The following EBF3 variants were observed in gnomAD, a reference collection of about 807,000 sequenced individuals.
EBF3 encodes transcription factor COE3.
In EBF3, 18 loss-of-function variants were observed where a neutral mutation model predicts 77.1. That is an observed-to-expected ratio of 0.23 (90% CI 0.16 to 0.35). EBF3 has a LOEUF of 0.35. EBF3 is among the 10% of genes least tolerant of loss of function. The pLI, the probability that EBF3 is intolerant of heterozygous loss-of-function variation, is 1.00. For synonymous variants in EBF3, 350 were observed against 343.5 expected (o/e 1.02, Z -0.21); for missense variants, 558 against 860.0 (o/e 0.65, Z 4.39).
chr10:129,926,964 T>C (rs1856719561), intron 6 of EBF3, among the ~76,000 whole-genome samples: 1 of 152,216 alleles, frequency 6.6e-6, no homozygotes, highest in Non-Finnish European at 1.5e-5. Flanking sequence ...TTCTTGGGAC[T>C]CTGAACAGGT....
chr10:129,858,810 G>A (rs1014338779), intron 10 of EBF3, among the ~76,000 whole-genome samples: 3 of 152,090 alleles, frequency 2.0e-5, no homozygotes, highest in Admixed American at 2.0e-4. Context: ...CTCTCTATCT[G>A]GGAAGACACA....
chr10:129,943,340 A>G lies in EBF3; in HGVS notation c.554+13918T>C, dbSNP rs4751153. Among the ~76,000 whole-genome samples the G allele has an allele frequency of 0.31, 45,972 of 150,374 alleles. 7,104 individuals are homozygous for G. The highest frequency in any genetic ancestry group is 0.43 in the Middle Eastern group (127 of 294). On this transcript the variant is annotated intron_variant, in intron 6 of 16. Transcript: ENST00000440978. The surrounding 1 kb of genome is among the most constrained non-coding windows in gnomAD (Gnocchi z 8.8). ...AAGCAAATTGGATTTGCCCTATCAC[A>G]AAAAAAATTAATTCCAGATTGTAGT...
intron 6 of EBF3, among the ~76,000 whole-genome samples, chr10:129,888,619 C>T (rs937506427): frequency 1.3e-5 from 2 of 152,178 alleles, no homozygotes; most frequent in Non-Finnish European, 2.9e-5. Flanking sequence ...GGGTCCCGGC[C>T]GCGGTGGGAA....
At chr10:129,957,121 G>T in intron 6 of EBF3, 137 bp downstream of exon 6, 1 of 686,416 alleles carries the variant, frequency 1.5e-6, no homozygotes, top group Non-Finnish European at 2.4e-6. Context: ...GATAACACAC[G>T]CGGACAACAA....
chr10:129,866,807 GGCATGTGGGCAGCTGCCGCA>G (rs1384895276), intron 10 of EBF3, among the ~76,000 whole-genome samples: 1 of 152,192 alleles, frequency 6.6e-6, no homozygotes, highest in Non-Finnish European at 1.5e-5. Flanking sequence ...CATGGAGCCA[GGCATGTGGGCAGCTGCCGCA>G]GTGGTAGCTG....
intron 6 of EBF3, among the ~76,000 whole-genome samples, chr10:129,890,902 C>G (rs1223872245): frequency 6.6e-6 from 1 of 152,188 alleles, no homozygotes; most frequent in Non-Finnish European, 1.5e-5. Context: ...CGCTACTTTG[C>G]CATCCTCAAT....
At chr10:129,960,918 G>C (rs1427487437) in intron 4 of EBF3, among the ~76,000 whole-genome samples, 1 of 152,244 alleles carries the variant, frequency 6.6e-6, no homozygotes, top group Admixed American at 6.5e-5. Flanking sequence ...TCTCTGAATC[G>C]AGTGAAATAA....
intron 6 of EBF3, among the ~76,000 whole-genome samples, chr10:129,916,104 G>C (rs1032237708): frequency 2.0e-5 from 3 of 152,230 alleles, no homozygotes; most frequent in Non-Finnish European, 4.4e-5. Context: ...CAGCCATCAT[G>C]GAACAGGATG....
At chr10:129,888,533 G>A (rs541895891) in intron 6 of EBF3, among the ~76,000 whole-genome samples, 63 of 152,332 alleles carry the variant, frequency 4.1e-4, no homozygotes, top group African/African-American at 1.5e-3. Flanking sequence ...TGATACCTGC[G>A]CTTTTGTGGA....
intron 6 of EBF3, among the ~76,000 whole-genome samples, chr10:129,896,478 G>A (rs970195543): frequency 6.6e-5 from 10 of 152,334 alleles, no homozygotes; most frequent in African/African-American, 2.4e-4. Flanking sequence ...TGGCCCCTCC[G>A]AGCAGCTGGC....
At chr10:129,880,995 T>C (rs1023855611) in intron 6 of EBF3, among the ~76,000 whole-genome samples, 3 of 152,190 alleles carry the variant, frequency 2.0e-5, no homozygotes, top group Non-Finnish European at 2.9e-5. Context: ...ATGCCCAACA[T>C]GTGAAGTCAA....
chr10:129,852,893 G>C (rs1850993731), intron 10 of EBF3, among the ~76,000 whole-genome samples: 1 of 152,208 alleles, frequency 6.6e-6, no homozygotes, highest in African/African-American at 2.4e-5. Context: ...CCACCCCCAA[G>C]GGCATCCTGT....
rs1466264759 is a variant in EBF3, at chr10:129,840,833, C to A, written c.1561+11G>T. The A allele has an allele frequency of 1.9e-6, 3 of 1,607,852 alleles. No homozygotes were observed. The African/African-American group carries it at 4.0e-5, about 22-fold the overall frequency. On this transcript the variant is annotated intron_variant, in intron 14 of 16. Coordinates refer to ENST00000440978, the MANE Select transcript of EBF3 (RefSeq NM_001375380.1). ...TCTGCGTGATGACGTGTGACAAAAA[C>A]AGACACTTACTGCCGTAGGGAGAGT...
chr10:129,838,639 G>T (rs763116807), intron 16 of EBF3, among the ~76,000 whole-genome samples: 2 of 152,310 alleles, frequency 1.3e-5, no homozygotes, highest in East Asian at 3.9e-4. Context: ...GCACGAAAAC[G>T]CCAAGTGGGG....
At chr10:129,854,060 T>C (rs1000137633) in intron 10 of EBF3, among the ~76,000 whole-genome samples, 2 of 151,106 alleles carry the variant, frequency 1.3e-5, no homozygotes, top group African/African-American at 4.9e-5. Context: ...GATATTTAGC[T>C]CCCCCCTGAA....
At chr10:129,927,159 G>A (rs376497177) in intron 6 of EBF3, among the ~76,000 whole-genome samples, 3 of 152,138 alleles carry the variant, frequency 2.0e-5, no homozygotes, top group Non-Finnish European at 4.4e-5. Flanking sequence ...CCAGGCTCCC[G>A]GGCGATGGGG....
At chr10:129,906,459 C>A (rs554380505) in intron 6 of EBF3, among the ~76,000 whole-genome samples, 2 of 152,304 alleles carry the variant, frequency 1.3e-5, no homozygotes, top group East Asian at 3.9e-4. Context: ...CCTCTTAACC[C>A]CTCTCTGCAC....
intron 9 of EBF3, 112 bp downstream of exon 9, chr10:129,867,670 T>C: frequency 6.6e-7 from 1 of 1,523,946 alleles, no homozygotes. Context: ...GTGCAGTGTG[T>C]TAAAAGGGGA....
At chr10:129,851,564 C>T (rs1208933068) in intron 10 of EBF3, among the ~76,000 whole-genome samples, 1 of 152,090 alleles carries the variant, frequency 6.6e-6, no homozygotes. Context: ...TTTTGAGAAA[C>T]GTATTGTAAG....
Sources: gnomAD v4.1 joint callset for allele counts (sites outside exome capture counted in the v4.1 genomes callset) on GRCh38, gnomAD v4.1.1 for gene constraint, Gnocchi (gnomAD v3.1) non-coding constraint, MANE v1.5 for transcripts, NCBI Gene and HGNC (gene_info 2026-07-23, HGNC 2026-07-21) for gene names.